The following ZFHX3 variants were observed in gnomAD, a reference collection of about 807,000 sequenced individuals.
ZFHX3 encodes zinc finger homeobox 3.
ZFHX3 carries 42 observed loss-of-function variants against 279.1 expected under a neutral mutation model. That is an observed-to-expected ratio of 0.15 (90% CI 0.12 to 0.19). ZFHX3 has a LOEUF of 0.19. ZFHX3 is among the 10% of genes least tolerant of loss of function. The pLI, the probability that ZFHX3 is intolerant of heterozygous loss-of-function variation, is 1.00. For synonymous variants in ZFHX3, 2,293 were observed against 1,957.8 expected, an observed-to-expected ratio of 1.17 and a Z score of -4.52; for missense variants, 4,981 against 4,754.0, an observed-to-expected ratio of 1.05 and a Z score of -1.40.
At chr16:72,826,760 T>A (rs1252643806) in intron 5 of ZFHX3, among the ~76,000 whole-genome samples, 1 of 152,248 alleles carries the variant, frequency 6.6e-6, no homozygotes, top group Non-Finnish European at 1.5e-5. Flanking sequence ...ACTCATTCAT[T>A]CATTTTCTCT....
At chr16:73,005,010 C>T (rs945224116) in intron 1 of ZFHX3, among the ~76,000 whole-genome samples, 6 of 152,102 alleles carry the variant, frequency 3.9e-5, no homozygotes, top group Non-Finnish European at 5.9e-5. Context: ...TTTTATAATA[C>T]GAGAGGCAGT....
At chr16:73,222,086 C>A (rs1198308131) in intron 5 of ZFHX3, among the ~76,000 whole-genome samples, 2 of 151,994 alleles carry the variant, frequency 1.3e-5, no homozygotes, top group African/African-American at 4.8e-5. Flanking sequence ...CTTCTTACAT[C>A]TTTTCTTCAT....
intron 2 of ZFHX3, among the ~76,000 whole-genome samples, chr16:73,617,924 G>T (rs917359287): frequency 1.3e-5 from 2 of 152,172 alleles, no homozygotes; most frequent in East Asian, 3.9e-4. Context: ...GTCATCTCAC[G>T]TTGACTCCCA....
intron 1 of ZFHX3, among the ~76,000 whole-genome samples, chr16:73,816,866 C>T (rs184179774): frequency 2.0e-5 from 3 of 152,238 alleles, no homozygotes; most frequent in East Asian, 1.9e-4. Flanking sequence ...TGTGGACAGT[C>T]GGCCATTAGT....
intron 1 of ZFHX3, among the ~76,000 whole-genome samples, chr16:72,999,833 A>C (rs1375260585): frequency 1.3e-5 from 2 of 152,226 alleles, no homozygotes; most frequent in Non-Finnish European, 2.9e-5. Flanking sequence ...CAGCAGCTGC[A>C]CCTGCCCTAT....
intron 1 of ZFHX3, among the ~76,000 whole-genome samples, chr16:73,830,329 G>A (rs1006705554): frequency 2.7e-5 from 4 of 149,560 alleles, no homozygotes; most frequent in Middle Eastern, 3.4e-3. Context: ...AGATGAACCC[G>A]GTACCTCAGA....
intron 8 of ZFHX3, among the ~76,000 whole-genome samples, chr16:73,090,378 G>C (rs1050508904): frequency 6.6e-6 from 1 of 152,224 alleles, no homozygotes; most frequent in Non-Finnish European, 1.5e-5. Flanking sequence ...GGGTGACAGA[G>C]ACCCTGTCTC....
chr16:73,117,697 A>G (rs1365167875), intron 7 of ZFHX3, among the ~76,000 whole-genome samples: 1 of 152,238 alleles, frequency 6.6e-6, no homozygotes, highest in Non-Finnish European at 1.5e-5. Flanking sequence ...CTAAATTCAC[A>G]TGTTAAAATC....
Position 72,787,726 on chromosome 16 carries a change from C to CGCCGCCGCCACCGCCGT in ZFHX3, c.10549_10550insACGGCGGTGGCGGCGGC (p.Gly3517AspfsTer34). 4 of 1,398,330 alleles carry CGCCGCCGCCACCGCCGT rather than the reference C, an allele frequency of 2.9e-6. No individual in the cohort carries two copies. Among genetic ancestry groups the CGCCGCCGCCACCGCCGT allele is most frequent in the Non-Finnish European group, 2.8e-6 (3 of 1,070,756 alleles). 86.6% of individuals were successfully genotyped at this position (1,398,330 alleles called of 1,614,324 possible). A position where few individuals can be genotyped will look rare whatever the true frequency, so the allele number is the denominator to read the frequency against. On this transcript the variant is annotated frameshift_variant, in exon 10 of 10. Transcript: ENST00000268489. LOFTEE classifies it high-confidence loss of function. ...GCCGCCGCCGCCGCCGCCACCGCCG[C>CGCCGCCGCCACCGCCGT]CGCCGCCGCCACTGCCACCGCCGCC...
At chr16:73,752,640 G>A (rs1446336132) in intron 1 of ZFHX3, among the ~76,000 whole-genome samples, 2 of 152,090 alleles carry the variant, frequency 1.3e-5, no homozygotes, top group Admixed American at 6.6e-5. Flanking sequence ...GAACAAAACC[G>A]CCTGGCTGGC....
At chr16:73,363,337 C>T (rs2143317930) in intron 3 of ZFHX3, among the ~76,000 whole-genome samples, 1 of 152,324 alleles carries the variant, frequency 6.6e-6, no homozygotes, top group East Asian at 1.9e-4. Flanking sequence ...CAAAAGCTAA[C>T]TGTTACGTAT....
intron 3 of ZFHX3, among the ~76,000 whole-genome samples, chr16:72,897,186 A>G (rs16971384): frequency 0.32 from 49,370 of 152,142 alleles, 8,632 homozygotes; most frequent in African/African-American, 0.45. Flanking sequence ...TGATGGAAGA[A>G]GCTGCCCGTT....
intron 2 of ZFHX3, among the ~76,000 whole-genome samples, chr16:73,494,169 G>A (rs947807723): frequency 1.3e-5 from 2 of 152,130 alleles, no homozygotes; most frequent in East Asian, 3.9e-4. Flanking sequence ...TATGTGTATT[G>A]GATCTGAAAC....
At chr16:73,442,638 T>A (rs2018114354) in intron 3 of ZFHX3, among the ~76,000 whole-genome samples, 1 of 152,196 alleles carries the variant, frequency 6.6e-6, no homozygotes, top group South Asian at 2.1e-4. Context: ...TATATGGTAA[T>A]CTTAAAAGAG....
intron 2 of ZFHX3, among the ~76,000 whole-genome samples, chr16:73,652,113 G>A (rs945455706): frequency 6.6e-6 from 1 of 152,028 alleles, no homozygotes; most frequent in East Asian, 1.9e-4. Flanking sequence ...GTGAAAAGAT[G>A]TATTACTTAT....
At chr16:73,127,728 G>C (rs898175854) in intron 7 of ZFHX3, 4 of 815,320 alleles carry the variant, frequency 4.9e-6, no homozygotes, top group Non-Finnish European at 5.0e-6. Flanking sequence ...GAAACTAATG[G>C]CTGCAGAGAA....
chr16:73,149,980 T>C (rs973381630), intron 5 of ZFHX3, among the ~76,000 whole-genome samples: 2 of 152,156 alleles, frequency 1.3e-5, no homozygotes, highest in African/African-American at 2.4e-5. Context: ...TGGTTCCTAA[T>C]TTGTTATCCC....
At chr16:73,476,497 A>C (rs1027787463) in intron 2 of ZFHX3, among the ~76,000 whole-genome samples, 3 of 152,192 alleles carry the variant, frequency 2.0e-5, no homozygotes, top group Non-Finnish European at 4.4e-5. Context: ...TTAATATTCA[A>C]CATCAACTTC....
At chr16:73,003,428 C>T (rs1480507247) in intron 1 of ZFHX3, among the ~76,000 whole-genome samples, 1 of 151,884 alleles carries the variant, frequency 6.6e-6, no homozygotes, top group Non-Finnish European at 1.5e-5. Context: ...TGGCTCACAC[C>T]TATAATCCCA....
Sources: allele counts gnomAD v4.1 joint callset (sites outside exome capture counted in the v4.1 genomes callset), GRCh38; gene constraint gnomAD v4.1.1; transcripts MANE v1.5; gene names NCBI Gene and HGNC (gene_info 2026-07-23, HGNC 2026-07-21).